Variants in TTN observed in about 807,000 individuals in gnomAD.
TTN encodes the protein titin.
In TTN, 1,525 loss-of-function variants were observed where a neutral mutation model predicts 3,223.0. The observed-to-expected ratio is 0.47, with a 90% CI of 0.45 to 0.49. TTN has a LOEUF of 0.49. TTN is among the 20% of genes least tolerant of loss of function. TTN has a pLI of 0.00. For synonymous variants in TTN, 14,094 were observed against 15,161.0 expected (o/e 0.93, Z 5.17); for missense variants, 40,786 against 43,424.0 (o/e 0.94, Z 5.40).
rs1306009906 is a variant in TTN at position 178,592,153 on chromosome 2, T to C, written c.59751A>G (p.Arg19917=). 1 of 1,612,858 alleles carries C rather than the reference T, an allele frequency of 6.2e-7. No individual in the cohort carries two copies. Among genetic ancestry groups the C allele is most frequent in the East Asian group, 2.2e-5 (1 of 44,594 alleles). The change falls in exon 302 of 363, where the codon AGA becomes AGG. Residue 19917 remains arginine, a synonymous_variant. Coordinates refer to ENST00000589042, the MANE Select transcript of TTN (RefSeq NM_001267550.2). ...SVITNYVVER[R]DVASAQWSPL... ...GTGACCACTGGGCGCTGGCAACATC[T>C]CTCCTCTCAACCACATAATTGGTAA...
chr2:178,619,041 T>C (rs1298902203), intron 250 of TTN, 188 bp from the exon 251 acceptor site: 2 of 745,828 alleles, frequency 2.7e-6, no homozygotes, highest in African/African-American at 3.6e-5. Context: ...GCGTGCAAAT[T>C]AGATTGGAGA....
In TTN at chr2:178,718,946, T is replaced by A; in HGVS notation, c.24254A>T (p.Asp8085Val). 1 of 1,609,658 alleles carries A rather than the reference T, an allele frequency of 6.2e-7. No homozygotes were observed. The highest frequency in any genetic ancestry group is 8.5e-7 in the Non-Finnish European group (1 of 1,177,782). The change falls in exon 84 of 363, where the codon GAT becomes GTT. Residue 8085 changes from aspartate to valine, a missense_variant. Coordinates refer to ENST00000589042, the MANE Select transcript of TTN (RefSeq NM_001267550.2). ...CATTCCAGGCAAAACTTCCACAGAA[T>A]CAGGGGTTTGTTCAAAAGATGGTGG... ...QEPPSFEQTPDSVEVLPGMSL... is the reference protein window; with the variant it reads ...QEPPSFEQTPVSVEVLPGMSL...
chr2:178,567,025 A>C lies in TTN; in HGVS notation c.79107T>G (p.Val26369=), dbSNP rs757441770. 114 of 1,613,512 alleles carry C rather than the reference A, an allele frequency of 7.1e-5. No homozygotes were observed. Among genetic ancestry groups the C allele is most frequent in the Non-Finnish European group, 9.3e-5 (110 of 1,179,668 alleles). ...FRIMAVNKYG[V]GEPLESAPVL... is the part of the protein sequence containing the mutation. ...CTGGTGCAGATTCCAAAGGCTCTCC[A>C]ACACCATATTTGTTGACAGCCATTA... is the stretch of plus-strand genomic sequence containing the variant. The change falls in exon 326 of 363, where the codon GTT becomes GTG. Residue 26369 remains valine, a synonymous_variant. Coordinates refer to ENST00000589042, the MANE Select transcript of TTN (RefSeq NM_001267550.2).
intron 358 of TTN, 28 bp from the exon 359 acceptor site, chr2:178,530,144 A>G (rs766442078): frequency 1.3e-6 from 2 of 1,569,658 alleles, no homozygotes; most frequent in African/African-American, 2.8e-5. Context: ...TTTGTGTTTT[A>G]AAAAGTGATT....
chr2:178,666,919 T>A lies in TTN; in HGVS notation c.35798-18A>T. 6.8e-7 allele frequency: 1 copy of A among 1,473,658 alleles called. No individual in the cohort carries two copies. Among genetic ancestry groups the A allele is most frequent in the Non-Finnish European group, 9.1e-7 (1 of 1,102,978 alleles). The allele number at this position is 1,473,658 out of a possible 1,614,324, so 91.3% of individuals were successfully genotyped here. ...TTCAAACTCTTTAAAGATATTAGTA[T>A]TTTTTTTAATTGAGAAAAGGCAAAG... On this transcript the variant is annotated intron_variant, in intron 162 of 362. Transcript: ENST00000589042.
chr2:178,795,084 C>T lies in TTN; in HGVS notation c.1083G>A (p.Glu361=). 1 of 1,614,020 alleles carries T rather than the reference C, an allele frequency of 6.2e-7. No homozygotes were observed. The highest frequency in any genetic ancestry group is 8.5e-7 in the Non-Finnish European group (1 of 1,180,018). The part of the protein sequence containing the change: ...VASSSEAEMR[E]TTLTTSTQIR... ...TCTGAGTAGAGGTTGTCAGCGTTGT[C>T]TCTCTCATCTCAGCCTCAGATGAGG... The change falls in exon 7 of 363, where the codon GAG becomes GAA. Residue 361 remains glutamate, a synonymous_variant. Coordinates refer to ENST00000589042, the MANE Select transcript of TTN (RefSeq NM_001267550.2).
In TTN at chr2:178,570,273, C is replaced by T; in HGVS notation, c.75859G>A (p.Val25287Ile). The change falls in exon 326 of 363, where the codon GTT (valine) becomes ATT (isoleucine). Residue 25287 changes from valine (V) to isoleucine (I), a missense_variant. By Grantham distance (29) the Val-to-Ile change is conservative. Coordinates refer to ENST00000589042, the MANE Select transcript of TTN (RefSeq NM_001267550.2). Reference sequence around the variant, plus strand: ...GGCTCAGATTCAAGAGGTTCACCAACACCATATTTGTTTACTGCCATTATA... The same window carrying T: ...GGCTCAGATTCAAGAGGTTCACCAATACCATATTTGTTTACTGCCATTATA... ...FRIMAVNKYG[V>I]GEPLESEPVV... 6.2e-7 allele frequency: 1 copy of T among 1,613,416 alleles called. No individual in the cohort carries two copies. Among genetic ancestry groups the T allele is most frequent in the Non-Finnish European group, 8.5e-7 (1 of 1,179,626 alleles).
rs750661834 is a variant in TTN, at chr2:178,776,020, C to G, written c.5844G>C (p.Glu1948Asp). ...VLRRAPEPRP[E>D]FHVHEPGKLQ... is the part of the protein sequence containing the mutation. ...GCTTTCCTGGTTCATGTACGTGAAACTCAGGCCTTGGTTCAGGAGCTCTCC... is the reference window on the plus strand; with the variant it reads ...GCTTTCCTGGTTCATGTACGTGAAAGTCAGGCCTTGGTTCAGGAGCTCTCC... The change falls in exon 28 of 363, where the codon GAG (glutamate) becomes GAC (aspartate). Residue 1948 changes from glutamate to aspartate, a missense_variant. Coordinates refer to ENST00000589042, the MANE Select transcript of TTN (RefSeq NM_001267550.2). The G allele has an allele frequency of 6.2e-7, 1 of 1,614,132 alleles. No individual in the cohort carries two copies. The highest frequency in any genetic ancestry group is 2.2e-5 in the East Asian group (1 of 44,880).
chr2:178,639,245 T>C (rs2060910619), intron 223 of TTN, among the ~76,000 whole-genome samples: 1 of 151,862 alleles, frequency 6.6e-6, no homozygotes, highest in East Asian at 2.0e-4. Context: ...ACATTCACAA[T>C]ATTGTACAAC....
Position 178,554,464 on chromosome 2 carries a change from T to C in TTN, c.88883A>G (p.Lys29628Arg), listed in dbSNP as rs1366016395. The C allele has an allele frequency of 3.7e-6, 6 of 1,613,192 alleles. No individual in the cohort carries two copies. Among genetic ancestry groups the C allele is most frequent in the Non-Finnish European group, 5.1e-6 (6 of 1,179,602 alleles). The change falls in exon 332 of 363, where the codon AAG (lysine) becomes AGG (arginine). Residue 29628 changes from lysine (K) to arginine (R), a missense_variant. Lys to Arg is a conservative substitution (Grantham distance 26). Coordinates refer to ENST00000589042, the MANE Select transcript of TTN (RefSeq NM_001267550.2). ...AAATCATGTCTCACCAAATGCGTTC[T>C]TGGCTACAACGGAATCAGATTCCAG... ...EPLESDSVVA[K>R]NAFVTPGPPG...
chr2:178,587,228 G>T lies in TTN; in HGVS notation c.63983C>A (p.Thr21328Asn), dbSNP rs370506995. Residue 21328 changes from threonine to asparagine, a missense_variant, in exon 307 of 363, where the codon ACC becomes AAC. By Grantham distance (65) the Thr-to-Asn change is moderately conservative (BLOSUM62 0). Coordinates refer to ENST00000589042, the MANE Select transcript of TTN (RefSeq NM_001267550.2). ...PEVKKTSFHV[T>N]NLVPGNEYYF... Reference sequence around the variant, plus strand: ...ATACTCATTCCCAGGGACAAGATTGGTTACATGGAAGCTTGTTTTCTTAAC... The same window carrying T: ...ATACTCATTCCCAGGGACAAGATTGTTTACATGGAAGCTTGTTTTCTTAAC... 2 of 1,613,074 alleles carry T rather than the reference G, an allele frequency of 1.2e-6. No individual in the cohort carries two copies. The highest frequency in any genetic ancestry group is 1.7e-5 in the Admixed American group (1 of 59,934).
rs773458088 is a variant in TTN, at chr2:178,674,410, C to A, written c.34613-1G>T. 6.7e-7 allele frequency: 1 copy of A among 1,486,640 alleles called. No homozygotes were observed. The highest frequency in any genetic ancestry group is 9.1e-7 in the Non-Finnish European group (1 of 1,096,736). 92.1% of individuals were successfully genotyped at this position (1,486,640 alleles called of 1,614,324 possible). On this transcript the variant is annotated splice_acceptor_variant, in intron 150 of 362. Coordinates refer to ENST00000589042, the MANE Select transcript of TTN (RefSeq NM_001267550.2). LOFTEE classifies it high-confidence loss of function. ...GGCTCTTCTTCAGGCTCCTCAGTCACTTTAAAAAGATTATTATTTTGTAAA... is the reference window on the plus strand; with the variant it reads ...GGCTCTTCTTCAGGCTCCTCAGTCAATTTAAAAAGATTATTATTTTGTAAA...
At chr2:178,744,394 C>T in intron 47 of TTN, 1 of 984,410 alleles carries the variant, frequency 1.0e-6, no homozygotes, top group African/African-American at 1.7e-5. Flanking sequence ...TCCTACCCTT[C>T]ATTTTCAGAA....
chr2:178,565,746 T>C lies in TTN; in HGVS notation c.80386A>G (p.Ser26796Gly). ...KVTLTDVSQT[S>G]ASLMWEKPEH... Reference sequence around the variant, plus strand: ...GGTTTCTCCCACATAAGTGATGCACTGGTCTGGGACACATCAGTGAGTGTA... The same window carrying C: ...GGTTTCTCCCACATAAGTGATGCACCGGTCTGGGACACATCAGTGAGTGTA... The change falls in exon 326 of 363, where the codon AGT becomes GGT. Residue 26796 changes from serine to glycine, a missense_variant. Ser to Gly is a moderately conservative substitution (Grantham distance 56). Transcript: ENST00000589042. The C allele has an allele frequency of 6.2e-7, 1 of 1,613,578 alleles. No individual in the cohort carries two copies. Among genetic ancestry groups the C allele is most frequent in the African/African-American group, 1.3e-5 (1 of 74,996 alleles).
At position 178,564,954 on chromosome 2, in the gene TTN, C is replaced by A. The variant is rs372875889; in HGVS notation, c.81178G>T (p.Asp27060Tyr). The A allele has an allele frequency of 3.1e-6, 5 of 1,612,028 alleles. No individual in the cohort carries two copies. In the African/African-American group the frequency reaches 5.4e-5, roughly 17 times the overall value. Residue 27060 changes from aspartate (D) to tyrosine (Y), a missense_variant, in exon 326 of 363, where the codon GAT (aspartate) becomes TAT (tyrosine). Physicochemically the swap from Asp to Tyr is radical, Grantham distance 160 (BLOSUM62 -3). Coordinates refer to ENST00000589042, the MANE Select transcript of TTN (RefSeq NM_001267550.2). ...ENRYGKSAPL[D>Y]SKAVIVQYPF... ...TATTGTACAATAACTGCCTTAGAAT[C>A]CAGTGGGGCACTTTTTCCATACCTG...
chr2:178,804,491 G>A (rs2094219392), intron 2 of TTN, 61 bp downstream of exon 2: 9 of 1,541,328 alleles, frequency 5.8e-6, no homozygotes, highest in South Asian at 5.7e-5. Context: ...CTGCAGCAAC[G>A]TTAACTTACT....
Position 178,682,879 on chromosome 2 carries a change from T to C in TTN, c.32912A>G (p.Glu10971Gly). The C allele has an allele frequency of 1.2e-6, 2 of 1,608,036 alleles. No homozygotes were observed. The highest frequency in any genetic ancestry group is 8.5e-7 in the Non-Finnish European group (1 of 1,177,702). Residue 10971 changes from glutamate (E) to glycine (G), a missense_variant, in exon 135 of 363, where the codon GAA (glutamate) becomes GGA (glycine). Physicochemically the swap from Glu to Gly is moderately conservative, Grantham distance 98. Coordinates refer to ENST00000589042, the MANE Select transcript of TTN (RefSeq NM_001267550.2). Reference sequence around the variant, plus strand: ...TTCTTCTTCTAGGGTATAAGCCCTTTCTTTCTCTTCCATTATAGTTACTTC... The same window carrying C: ...TTCTTCTTCTAGGGTATAAGCCCTTCCTTTCTCTTCCATTATAGTTACTTC... ...IKEVTIMEEK[E>G]RAYTLEEEAV... is the part of the protein sequence containing the mutation.
Position 178,564,420 on chromosome 2 carries a change from C to A in TTN, c.81712G>T (p.Asp27238Tyr). The A allele has an allele frequency of 1.2e-6, 2 of 1,613,200 alleles. No homozygotes were observed. The highest frequency in any genetic ancestry group is 1.7e-6 in the Non-Finnish European group (2 of 1,179,532). Residue 27238 changes from aspartate to tyrosine, a missense_variant, in exon 326 of 363, where the codon GAC (aspartate) becomes TAC (tyrosine). Physicochemically the swap from Asp to Tyr is radical, Grantham distance 160 (BLOSUM62 -3). Transcript: ENST00000589042. Reference sequence around the variant, plus strand: ...ATTACTCTAAATTCATATCTTTGGTCTTCTACAAGTCCACTCACTGTAAAT... The same window carrying A: ...ATTACTCTAAATTCATATCTTTGGTATTCTACAAGTCCACTCACTGTAAAT... ...TEFTVSGLVE[D>Y]QRYEFRVIAR...
Position 178,605,467 on chromosome 2 carries a change from A to G in TTN, c.53828T>C (p.Ile17943Thr), listed in dbSNP as rs769817623. Residue 17943 changes from isoleucine to threonine, a missense_variant, in exon 279 of 363, where the codon ATT becomes ACT. Ile to Thr is a moderately conservative substitution (Grantham distance 89). Coordinates refer to ENST00000589042, the MANE Select transcript of TTN (RefSeq NM_001267550.2). ...AGGTAGGGATGGTTCACTTTCACCA[A>G]TTTCATTGACAGCTTTGACACGGAA... The part of the protein sequence containing the change: ...YEFRVKAVNE[I>T]GESEPSLPLN... 6.8e-6 allele frequency: 11 copies of G among 1,611,760 alleles called. No individual in the cohort carries two copies. Among genetic ancestry groups the G allele is most frequent in the Admixed American group, 1.7e-5 (1 of 59,942 alleles).
Sources: allele counts gnomAD v4.1 joint callset (sites outside exome capture counted in the v4.1 genomes callset), GRCh38; gene constraint gnomAD v4.1.1; transcripts MANE v1.5; gene names NCBI Gene and HGNC (gene_info 2026-07-23, HGNC 2026-07-21).